Variants in NRXN1 observed in about 807,000 individuals in gnomAD.
NRXN1 encodes neurexin-1.
Under a neutral mutation model 150.9 loss-of-function variants are expected in NRXN1, and 39 were observed. That is an observed-to-expected ratio of 0.26 (90% CI 0.20 to 0.34). The LOEUF (loss-of-function observed/expected upper bound fraction) is 0.34. Ranked by LOEUF, NRXN1 falls within the 10% of genes least tolerant of loss-of-function variation. The pLI is 1.00. For missense variants in NRXN1, 1,815 were observed against 1,949.9 expected, an observed-to-expected ratio of 0.93 and a Z score of 1.30; for synonymous variants, 924 against 757.0, an observed-to-expected ratio of 1.22 and a Z score of -3.62.
intron 17 of NRXN1, among the ~76,000 whole-genome samples, chr2:50,422,054 A>G (rs2084040699): frequency 6.6e-6 from 1 of 152,152 alleles, no homozygotes; most frequent in African/African-American, 2.4e-5. Flanking sequence ...TAACATTCTC[A>G]AAGGAGCTTA....
chr2:50,104,577 C>G (rs141535076), intron 18 of NRXN1, among the ~76,000 whole-genome samples: 1 of 151,996 alleles, frequency 6.6e-6, no homozygotes, highest in Non-Finnish European at 1.5e-5. Flanking sequence ...TGATGATAGC[C>G]ATCCTTCTTG....
chr2:50,475,702 C>T (rs554482281), intron 15 of NRXN1, among the ~76,000 whole-genome samples: 1 of 152,128 alleles, frequency 6.6e-6, no homozygotes, highest in African/African-American at 2.4e-5. Context: ...CTTAGCACCA[C>T]CACTTAGTAC....
intron 5 of NRXN1, among the ~76,000 whole-genome samples, chr2:50,772,955 T>A (rs902604477): frequency 1.3e-5 from 2 of 152,096 alleles, no homozygotes; most frequent in Non-Finnish European, 2.9e-5. Flanking sequence ...ATATTGCCAA[T>A]AAAGAGCAGT....
chr2:50,595,147 A>G (rs1674951669), intron 8 of NRXN1, among the ~76,000 whole-genome samples: 1 of 152,038 alleles, frequency 6.6e-6, no homozygotes, highest in African/African-American at 2.4e-5. Context: ...GGAATAAAAT[A>G]GTAAGGAGGG....
intron 17 of NRXN1, among the ~76,000 whole-genome samples, chr2:50,350,174 A>C (rs922210144): frequency 6.6e-6 from 1 of 152,212 alleles, no homozygotes; most frequent in Non-Finnish European, 1.5e-5. Context: ...TTTCTGAATG[A>C]TAATGACACC....
intron 5 of NRXN1, among the ~76,000 whole-genome samples, chr2:50,823,805 AATCAAACAGAGATTTATGAGTGTG>A (rs1480711659): frequency 6.6e-6 from 1 of 152,198 alleles, no homozygotes; most frequent in African/African-American, 2.4e-5. Flanking sequence ...AATGTTAAAG[AATCAAACAGAGATTTATGAGTGTG>A]ATCAAACAGA....
In NRXN1 at chr2:50,363,077, T is replaced by C. The variant is rs1251471491; in HGVS notation, c.3364+102365A>G. 2.6e-5 allele frequency among the ~76,000 whole-genome samples: 4 copies of C among 152,186 alleles called. No homozygotes were observed. In the South Asian group the frequency reaches 6.2e-4, roughly 24 times the overall value. ...AACTGGACTCCTTCCTTATGCCTTA[T>C]ACAAAAATTAACTTGATATGGATTA... On this transcript the variant is annotated intron_variant, in intron 17 of 22. Coordinates refer to ENST00000401669, the MANE Select transcript of NRXN1 (RefSeq NM_001330078.2).
At chr2:50,360,942 A>T (rs1024930647) in intron 17 of NRXN1, among the ~76,000 whole-genome samples, 2 of 152,180 alleles carry the variant, frequency 1.3e-5, no homozygotes, top group Non-Finnish European at 2.9e-5. Flanking sequence ...TCAAATTAGA[A>T]CTCAGCATTA....
At chr2:50,179,128 A>ATAAG (rs763226455) in intron 18 of NRXN1, among the ~76,000 whole-genome samples, 33 of 152,172 alleles carry the variant, frequency 2.2e-4, no homozygotes, top group Admixed American at 2.6e-4. Context: ...AGCTTTAGAA[A>ATAAG]TAAGTAGGAA....
chr2:50,833,742 G>A (rs1287476629), intron 5 of NRXN1, among the ~76,000 whole-genome samples: 2 of 152,144 alleles, frequency 1.3e-5, no homozygotes, highest in Admixed American at 6.5e-5. Context: ...ATACAAAACT[G>A]CACGTGTTAA....
chr2:51,029,479 T>G (rs1671142380), intron 1 of NRXN1, among the ~76,000 whole-genome samples: 1 of 152,242 alleles, frequency 6.6e-6, no homozygotes, highest in Non-Finnish European at 1.5e-5. Context: ...TCTTTTTCTT[T>G]TCGCAAGATA....
chr2:50,215,138 C>T (rs6724128), intron 18 of NRXN1, among the ~76,000 whole-genome samples: 30,807 of 151,888 alleles, frequency 0.2, 3,718 homozygotes, highest in African/African-American at 0.33. Context: ...ACTTCCTTTA[C>T]GTTTTCTTAT....
At chr2:50,246,042 C>T (rs1259937141) in intron 17 of NRXN1, among the ~76,000 whole-genome samples, 4 of 151,866 alleles carry the variant, frequency 2.6e-5, no homozygotes, top group Admixed American at 2.6e-4. Context: ...AATGATGCTT[C>T]CCTAGTCTGA....
At chr2:50,224,059 G>A (rs2064133048) in intron 18 of NRXN1, among the ~76,000 whole-genome samples, 1 of 151,914 alleles carries the variant, frequency 6.6e-6, no homozygotes, top group South Asian at 2.1e-4. Flanking sequence ...ATCACACTTT[G>A]TTGTTATTTA....
intron 21 of NRXN1, among the ~76,000 whole-genome samples, chr2:50,048,278 G>A (rs2152612697): frequency 6.6e-6 from 1 of 152,142 alleles, no homozygotes; most frequent in Middle Eastern, 3.4e-3. Context: ...CTGTAAAAAT[G>A]TACATTAATT....
chr2:50,612,588 T>C (rs1377288434), intron 8 of NRXN1, among the ~76,000 whole-genome samples: 1 of 152,190 alleles, frequency 6.6e-6, no homozygotes, highest in Non-Finnish European at 1.5e-5. Flanking sequence ...TTATTATGCT[T>C]TCTCTGGAAT....
intron 5 of NRXN1, among the ~76,000 whole-genome samples, chr2:50,821,866 A>G (rs937815210): frequency 6.6e-6 from 1 of 152,190 alleles, no homozygotes; most frequent in African/African-American, 2.4e-5. Context: ...CTGGGCCAGG[A>G]CAAAGGTCTC....
At chr2:50,291,940 T>C (rs1451203330) in intron 17 of NRXN1, among the ~76,000 whole-genome samples, 1 of 152,150 alleles carries the variant, frequency 6.6e-6, no homozygotes, top group Non-Finnish European at 1.5e-5. Flanking sequence ...TAAACCTTAA[T>C]GGCACTCTTT....
chr2:50,069,239 A>C (rs1248629442), intron 19 of NRXN1, among the ~76,000 whole-genome samples: 1 of 152,302 alleles, frequency 6.6e-6, no homozygotes, highest in East Asian at 1.9e-4. Context: ...CTTTTTGCCC[A>C]ATAATGCTCC....
Sources: gnomAD v4.1 joint callset for allele counts (sites outside exome capture counted in the v4.1 genomes callset) on GRCh38, gnomAD v4.1.1 for gene constraint, MANE v1.5 for transcripts, NCBI Gene and HGNC (gene_info 2026-07-23, HGNC 2026-07-21) for gene names.